MPP4: variants seen among roughly 807,000 people sequenced by gnomAD.
The protein encoded by MPP4 is MAGUK p55 subfamily member 4.
MPP4 carries 91 observed loss-of-function variants against 98.3 expected under a neutral mutation model. The observed-to-expected ratio is 0.93, with a 90% CI of 0.78 to 1.10. The LOEUF (loss-of-function observed/expected upper bound fraction) is 1.10, where lower values mean the gene tolerates loss of function less well. Ranked by LOEUF, MPP4 falls within the 50% of genes least tolerant of loss-of-function variation. MPP4 has a pLI of 0.00. For synonymous variants in MPP4, 261 were observed against 271.8 expected (o/e 0.96, Z 0.39); for missense variants, 744 against 792.9 (o/e 0.94, Z 0.74).
chr2:201,694,797 T>C (rs1283178093), intron 1 of MPP4, among the ~76,000 whole-genome samples: 6 of 151,702 alleles, frequency 4.0e-5, no homozygotes, highest in African/African-American at 1.5e-4. Flanking sequence ...ATTTTTAACT[T>C]CTTGTAGAGA....
At chr2:201,666,770 T>A (rs1013530099) in intron 12 of MPP4, 2 of 152,074 alleles carry the variant, frequency 1.3e-5, no homozygotes, top group African/African-American at 2.4e-5. Flanking sequence ...ATAAAAAAAA[T>A]TCCCTATGTA....
At chr2:201,657,601 G>GTTTTTTTTTTTTTTTTTT (rs1393900511) in intron 16 of MPP4, among the ~76,000 whole-genome samples, 7 of 104,994 alleles carry the variant, frequency 6.7e-5, no homozygotes, top group African/African-American at 2.3e-4. Flanking sequence ...TTTTTTTTTT[G>GTTTTTTTTTTTTTTTTTT]TTTTTTTGTT....
intron 13 of MPP4, 131 bp downstream of exon 13, chr2:201,666,203 G>GGTGGA: frequency 1.6e-6 from 1 of 629,756 alleles, no homozygotes; most frequent in Non-Finnish European, 2.6e-6. Context: ...GATAGATGGG[G>GGTGGA]GTGGAGGGTC....
chr2:201,689,014 T>C (rs1688920493), intron 4 of MPP4, among the ~76,000 whole-genome samples: 1 of 152,094 alleles, frequency 6.6e-6, no homozygotes. Flanking sequence ...GCAGCTTGAT[T>C]GTGTTCAGCT....
intron 7 of MPP4, 98 bp downstream of exon 7, chr2:201,684,966 A>G (rs1015409517): frequency 1.6e-5 from 18 of 1,102,534 alleles, no homozygotes; most frequent in Admixed American, 2.9e-5. Flanking sequence ...AAAAAGAAAA[A>G]AAAAAAGAAA....
rs561249315 is a variant in MPP4, at chr2:201,670,663, T to G, written c.995-913A>C. ...TTCATGTGCCTTTGATAAATGAAAG[T>G]TTGTTTTAAAAAAAAAATTTTCAAA... is the stretch of plus-strand genomic sequence containing the variant. On this transcript the variant is annotated intron_variant, in intron 11 of 21. Transcript: ENST00000409474. 5.9e-5 allele frequency among the ~76,000 whole-genome samples: 9 copies of G among 152,308 alleles called. No individual in the cohort carries two copies. In the South Asian group the frequency reaches 1.2e-3, roughly 21 times the overall value.
At chr2:201,665,057 T>G (rs1047139871) in intron 13 of MPP4, 2 of 156,360 alleles carry the variant, frequency 1.3e-5, no homozygotes, top group Non-Finnish European at 3.0e-5. Context: ...AATACATACA[T>G]CATTGCTTTT....
At chr2:201,675,786 A>G (rs1335591416) in intron 10 of MPP4, among the ~76,000 whole-genome samples, 1 of 152,168 alleles carries the variant, frequency 6.6e-6, no homozygotes, top group Non-Finnish European at 1.5e-5. Context: ...TCTTCCCTTG[A>G]GTCCCCCAGC....
At chr2:201,671,080 C>T (rs1294042104) in intron 11 of MPP4, among the ~76,000 whole-genome samples, 4 of 152,226 alleles carry the variant, frequency 2.6e-5, no homozygotes, top group Admixed American at 1.3e-4. Flanking sequence ...AGGAGATTCC[C>T]TTGGGTGCCT....
intron 8 of MPP4, 47 bp downstream of exon 8, chr2:201,682,784 T>C: frequency 6.5e-7 from 1 of 1,548,756 alleles, no homozygotes; most frequent in Non-Finnish European, 8.9e-7. Flanking sequence ...CAGTTCAGCC[T>C]TGGCATTTCT....
At chr2:201,689,768 G>A (rs1202153491) in intron 4 of MPP4, among the ~76,000 whole-genome samples, 1 of 152,084 alleles carries the variant, frequency 6.6e-6, no homozygotes, top group Non-Finnish European at 1.5e-5. Flanking sequence ...TCGGCAGGTG[G>A]GGAAGATCGG....
At chr2:201,653,272 C>T (rs184868184) in intron 18 of MPP4, among the ~76,000 whole-genome samples, 211 of 152,294 alleles carry the variant, frequency 1.4e-3, no homozygotes, top group African/African-American at 4.8e-3. Flanking sequence ...AGGTGTAATT[C>T]GGACACCATT....
Position 201,686,089 on chromosome 2 carries a change from A to G in MPP4, c.361-39T>C, listed in dbSNP as rs753745722. On this transcript the variant is annotated intron_variant, in intron 5 of 21. Coordinates refer to ENST00000409474, the MANE Select transcript of MPP4 (RefSeq NM_033066.3). The stretch of plus-strand genomic sequence containing the variant: ...AGGAAAAGGTGAGCAAATGTCACAC[A>G]TGGGCCAAACCCCTCTAGAAGATAG... The G allele has an allele frequency of 8.7e-6, 14 of 1,603,950 alleles. No individual in the cohort carries two copies. In the South Asian group the frequency reaches 1.5e-4, roughly 18 times the overall value.
At chr2:201,660,282 G>T (rs867337802) in intron 15 of MPP4, 50 bp downstream of exon 15, 2 of 1,509,876 alleles carry the variant, frequency 1.3e-6, no homozygotes, top group Non-Finnish European at 1.8e-6. Context: ...GGCACTGAAA[G>T]ATCTTAAACA....
Position 201,678,715 on chromosome 2 carries a change from G to T in MPP4, c.929+2123C>A, listed in dbSNP as rs574046694. On this transcript the variant is annotated intron_variant, in intron 10 of 21. Transcript: ENST00000409474. ...CCTTGTGTATAGCTTTCCTTCCACTGGGCCTGGAGGTGGGGGGTGTGTCCT... is the reference window on the plus strand; with the variant it reads ...CCTTGTGTATAGCTTTCCTTCCACTTGGCCTGGAGGTGGGGGGTGTGTCCT... 7.8e-4 allele frequency among the ~76,000 whole-genome samples: 118 copies of T among 152,182 alleles called. 2 individuals are homozygous for T. The South Asian group carries it at 0.023, about 29-fold the overall frequency.
intron 4 of MPP4, among the ~76,000 whole-genome samples, chr2:201,689,109 C>T (rs2105946490): frequency 6.6e-6 from 1 of 152,124 alleles, no homozygotes; most frequent in Non-Finnish European, 1.5e-5. Flanking sequence ...GGGCAGATAG[C>T]TTAGTGTCAG....
chr2:201,663,710 T>C (rs892423327), intron 14 of MPP4, among the ~76,000 whole-genome samples: 62 of 152,112 alleles, frequency 4.1e-4, no homozygotes, highest in African/African-American at 1.1e-3. Flanking sequence ...GACTGAGACC[T>C]TGTCTCAAAA....
rs376163949 is a variant in MPP4 at position 201,650,140 on chromosome 2, G to A, written c.1407C>T (p.Tyr469=). Residue 469 remains tyrosine (Y), a synonymous_variant, in exon 19 of 22, where the codon TAC becomes TAT. Coordinates refer to ENST00000409474, the MANE Select transcript of MPP4 (RefSeq NM_033066.3). ...AGTGATACTCACGCCCATTCATTTC[G>A]TAACTCTTTTTAGTACGAGTAGTGT... The part of the protein sequence containing the change: ...VPHTTRTKKS[Y]EMNGREYHYV... 97 of 1,576,732 alleles carry A rather than the reference G, an allele frequency of 6.2e-5. No homozygotes were observed. Among genetic ancestry groups the A allele is most frequent in the Middle Eastern group, 1.7e-4 (1 of 6,038 alleles).
intron 20 of MPP4, 91 bp downstream of exon 20, chr2:201,649,485 A>C: frequency 1.1e-6 from 1 of 885,046 alleles, no homozygotes; most frequent in South Asian, 1.5e-5. Flanking sequence ...TAACAGAATA[A>C]ATGTCTCAAC....
Sources: allele counts gnomAD v4.1 joint callset (sites outside exome capture counted in the v4.1 genomes callset), GRCh38; gene constraint gnomAD v4.1.1; transcripts MANE v1.5; gene names NCBI Gene and HGNC (gene_info 2026-07-23, HGNC 2026-07-21).